Variants in ADGRB3 observed in about 807,000 individuals in gnomAD.
ADGRB3 encodes adhesion G protein-coupled receptor B3, also known as brain-specific angiogenesis inhibitor 3.
A neutral mutation model predicts 193.4 loss-of-function variants in ADGRB3; 37 were observed. The ratio of observed to expected loss-of-function variants is 0.19; its 90% CI spans 0.15 to 0.25. The LOEUF is 0.25. ADGRB3 is among the 10% of genes least tolerant of loss of function. The probability of loss-of-function intolerance (pLI) is 1.00; values close to 1 mark genes in which losing one functional copy is unlikely to be tolerated. For missense variants in ADGRB3, 1,637 were observed against 1,852.9 expected (o/e 0.88, Z 2.14); for synonymous variants, 690 against 644.2 (o/e 1.07, Z -1.08).
chr6:69,099,853 G>A (rs1772983165), intron 17 of ADGRB3, among the ~76,000 whole-genome samples: 1 of 152,154 alleles, frequency 6.6e-6, no homozygotes. Context: ...AAGTGAGCCA[G>A]GCTTAATGCC....
intron 17 of ADGRB3, among the ~76,000 whole-genome samples, chr6:69,198,346 G>T (rs1765343213): frequency 6.6e-6 from 1 of 152,006 alleles, no homozygotes; most frequent in African/African-American, 2.4e-5. Context: ...GACTGATAAA[G>T]CCCCCACTCT....
chr6:68,986,044 G>A (rs1425529052), intron 10 of ADGRB3, among the ~76,000 whole-genome samples: 2 of 152,184 alleles, frequency 1.3e-5, no homozygotes, highest in East Asian at 3.9e-4. Flanking sequence ...CCTTTGCTCA[G>A]GATTGCAGTT....
chr6:69,237,899 A>G (rs1766303017), intron 19 of ADGRB3, among the ~76,000 whole-genome samples: 3 of 152,116 alleles, frequency 2.0e-5, no homozygotes, highest in Non-Finnish European at 4.4e-5. Context: ...AACAAGGTTC[A>G]GCAACCCTGA....
chr6:69,304,571 T>C (rs1389673425), intron 20 of ADGRB3, among the ~76,000 whole-genome samples: 1 of 151,618 alleles, frequency 6.6e-6, no homozygotes, highest in Non-Finnish European at 1.5e-5. Context: ...AAGTCATCCT[T>C]TTGCTTCTTT....
At chr6:68,862,540 G>A (rs1582263754) in intron 3 of ADGRB3, among the ~76,000 whole-genome samples, 1 of 152,252 alleles carries the variant, frequency 6.6e-6, no homozygotes, top group Non-Finnish European at 1.5e-5. Context: ...TACAGAGTTG[G>A]GGTCAGGGGG....
chr6:69,022,982 G>A (rs1430792093), intron 13 of ADGRB3, among the ~76,000 whole-genome samples: 1 of 151,876 alleles, frequency 6.6e-6, no homozygotes, highest in Non-Finnish European at 1.5e-5. Flanking sequence ...GCTTCATATA[G>A]CATATTACAT....
In ADGRB3 at chr6:68,974,749, GT is replaced by G; in HGVS notation, c.1526-11del. 1 of 1,611,636 alleles carries G rather than the reference GT, an allele frequency of 6.2e-7. No individual in the cohort carries two copies. Among genetic ancestry groups the G allele is most frequent in the Non-Finnish European group, 8.5e-7 (1 of 1,178,258 alleles). On this transcript the variant is annotated splice_polypyrimidine_tract_variant and intron_variant, in intron 8 of 31. Transcript: ENST00000370598. ...ACACTACTGACATTCAAGTCCCTTT[GT>G]TTAAAATTGCAGCACCTTATGAAAT...
intron 17 of ADGRB3, among the ~76,000 whole-genome samples, chr6:69,116,233 T>G (rs1773528454): frequency 6.6e-6 from 1 of 152,194 alleles, no homozygotes; most frequent in Non-Finnish European, 1.5e-5. Context: ...GTCAACTGCC[T>G]ATAAATGTTA....
intron 6 of ADGRB3, among the ~76,000 whole-genome samples, chr6:68,945,226 T>A (rs1582336349): frequency 1.3e-5 from 2 of 152,262 alleles, no homozygotes; most frequent in East Asian, 3.9e-4. Flanking sequence ...GGCAAATAAT[T>A]ATAATTACAT....
chr6:69,361,642 G>A, intron 29 of ADGRB3, 130 bp downstream of exon 29: 1 of 1,153,632 alleles, frequency 8.7e-7, no homozygotes, highest in Non-Finnish European at 1.2e-6. Context: ...ATTAGCTTTT[G>A]CAGTTTTGTA....
chr6:69,034,679 CAGAG>C (rs796463336), intron 13 of ADGRB3, among the ~76,000 whole-genome samples: 1 of 148,694 alleles, frequency 6.7e-6, no homozygotes. Flanking sequence ...GAGAGGAAGA[CAGAG>C]AGAGAGTGAG....
intron 17 of ADGRB3, among the ~76,000 whole-genome samples, chr6:69,179,458 C>A (rs1775522578): frequency 6.6e-6 from 1 of 152,118 alleles, no homozygotes; most frequent in Non-Finnish European, 1.5e-5. Context: ...ACAATCCTTG[C>A]TTTGAAATTT....
chr6:68,730,022 T>G (rs1431301381), intron 3 of ADGRB3, among the ~76,000 whole-genome samples: 1 of 151,624 alleles, frequency 6.6e-6, no homozygotes, highest in Non-Finnish European at 1.5e-5. Flanking sequence ...CTGTATTTTA[T>G]TCAATCTGCT....
At chr6:68,804,378 AC>A in intron 3 of ADGRB3, among the ~76,000 whole-genome samples, 1 of 152,342 alleles carries the variant, frequency 6.6e-6, no homozygotes, top group Middle Eastern at 3.4e-3. Context: ...AGAATTAGTA[AC>A]TGCTTCTTGT....
At chr6:69,075,940 A>G in intron 16 of ADGRB3, 55 bp from the exon 17 acceptor site, 6 of 1,342,790 alleles carry the variant, frequency 4.5e-6, no homozygotes, top group Non-Finnish European at 6.4e-6. Flanking sequence ...TAATCCCTCA[A>G]TCTTTTTATA....
At chr6:69,135,549 G>A (rs561566835) in intron 17 of ADGRB3, among the ~76,000 whole-genome samples, 6 of 151,840 alleles carry the variant, frequency 4.0e-5, no homozygotes, top group East Asian at 1.9e-4. Flanking sequence ...TTAAGTACAG[G>A]CAACATGGCA....
chr6:69,331,376 G>A (rs1180791440), intron 23 of ADGRB3, among the ~76,000 whole-genome samples: 2 of 151,976 alleles, frequency 1.3e-5, no homozygotes, highest in Non-Finnish European at 2.9e-5. Flanking sequence ...AATAAGGGAG[G>A]AAAGAAACTG....
At chr6:69,037,201 A>C (rs546338921) in intron 13 of ADGRB3, among the ~76,000 whole-genome samples, 1 of 152,200 alleles carries the variant, frequency 6.6e-6, no homozygotes. Flanking sequence ...GGCACCTTCT[A>C]GTAAGATGGG....
rs115582519 is a variant in ADGRB3 at position 68,921,168 on chromosome 6, G to A, written c.758-9391G>A. ...AGACAGAAGAGAAATGTTCAACATC[G>A]TAATAAATATAATAAATGTGAGTGG... On this transcript the variant is annotated intron_variant, in intron 3 of 31. Coordinates refer to ENST00000370598, the MANE Select transcript of ADGRB3 (RefSeq NM_001704.3). 3.8e-3 allele frequency among the ~76,000 whole-genome samples: 581 copies of A among 152,180 alleles called. 4 individuals carry two copies. Among genetic ancestry groups the A allele is most frequent in the African/African-American group, 0.013 (541 of 41,540 alleles).
Sources: gnomAD v4.1 joint callset for allele counts (sites outside exome capture counted in the v4.1 genomes callset) on GRCh38, gnomAD v4.1.1 for gene constraint, MANE v1.5 for transcripts, NCBI Gene and HGNC (gene_info 2026-07-23, HGNC 2026-07-21) for gene names.